Variants in OLA1 observed in about 807,000 individuals in gnomAD.
The protein encoded by OLA1 is Obg like ATPase 1.
Under a neutral mutation model 48.4 loss-of-function variants are expected in OLA1, and 14 were observed. The ratio of observed to expected loss-of-function variants is 0.29; its 90% confidence interval spans 0.19 to 0.45. The LOEUF is 0.45. OLA1 is among the 20% of genes least tolerant of loss of function. The pLI is 1.00. For missense variants in OLA1, 325 were observed against 467.1 expected, an observed-to-expected ratio of 0.70 and a Z score of 2.80; for synonymous variants, 127 against 150.4, an observed-to-expected ratio of 0.84 and a Z score of 1.14.
intron 4 of OLA1, among the ~76,000 whole-genome samples, chr2:174,153,687 C>A (rs1686800951): frequency 6.6e-6 from 1 of 152,128 alleles, no homozygotes; most frequent in Non-Finnish European, 1.5e-5. Flanking sequence ...TAATTATATT[C>A]AATTGCTCAA....
intron 2 of OLA1, among the ~76,000 whole-genome samples, chr2:174,233,459 C>T (rs911566318): frequency 3.9e-5 from 6 of 152,126 alleles, no homozygotes; most frequent in East Asian, 1.9e-4. Context: ...CTGCAACCTC[C>T]GCCTCCTGGG....
intron 4 of OLA1, among the ~76,000 whole-genome samples, chr2:174,181,481 T>C (rs2105414005): frequency 6.6e-6 from 1 of 152,230 alleles, no homozygotes; most frequent in East Asian, 1.9e-4. Flanking sequence ...AGAGAGAAAA[T>C]GTGAAATACG....
At chr2:174,168,267 AC>A (rs1687213621) in intron 4 of OLA1, among the ~76,000 whole-genome samples, 6 of 152,126 alleles carry the variant, frequency 3.9e-5, no homozygotes, top group Admixed American at 3.9e-4. Context: ...TGATACCAGA[AC>A]CATGCATAGG....
chr2:174,237,846 A>G (rs1688894682), intron 2 of OLA1, among the ~76,000 whole-genome samples: 1 of 152,254 alleles, frequency 6.6e-6, no homozygotes, highest in Non-Finnish European at 1.5e-5. Flanking sequence ...ATAATTGTAT[A>G]TGCTATACTT....
At chr2:174,104,153 T>TAA (rs59961287) in intron 7 of OLA1, among the ~76,000 whole-genome samples, 95 of 147,194 alleles carry the variant, frequency 6.5e-4, no homozygotes, top group Middle Eastern at 3.5e-3. Flanking sequence ...AAATACAAAT[T>TAA]AAAAAAAAAA....
At chr2:174,087,912 G>C (rs1685020612) in intron 7 of OLA1, among the ~76,000 whole-genome samples, 1 of 151,952 alleles carries the variant, frequency 6.6e-6, no homozygotes, top group Admixed American at 6.6e-5. Flanking sequence ...TCTCAAATCT[G>C]ATTTTTTTAA....
rs756554220 is a variant in OLA1, at chr2:174,081,209, G to T, written c.909C>A (p.Leu303=). 2 of 1,611,364 alleles carry T rather than the reference G, an allele frequency of 1.2e-6. No homozygotes were observed. Among genetic ancestry groups the T allele is most frequent in the South Asian group, 1.1e-5 (1 of 90,972 alleles). ...CTGCAGTGAAAAAGTATTCTAGTTG[G>T]AGTGCTGCAAACCCAGCCTTAATGA... ...PKIIKAGFAA[L]QLEYFFTAGP... The change falls in exon 9 of 11, where the codon CTC becomes CTA. Residue 303 remains leucine, a synonymous_variant. Transcript: ENST00000284719.
At chr2:174,128,054 T>A (rs1456187266) in intron 5 of OLA1, among the ~76,000 whole-genome samples, 1 of 151,372 alleles carries the variant, frequency 6.6e-6, no homozygotes, top group Non-Finnish European at 1.5e-5. Context: ...ACTATAGTAA[T>A]TAGAATAGTA....
At chr2:174,210,384 C>T (rs919990403) in intron 4 of OLA1, among the ~76,000 whole-genome samples, 13 of 152,138 alleles carry the variant, frequency 8.5e-5, no homozygotes, top group East Asian at 3.9e-4. Context: ...GTTTAAAATA[C>T]GCATACATCA....
intron 4 of OLA1, among the ~76,000 whole-genome samples, chr2:174,205,345 C>T (rs756502296): frequency 2.0e-4 from 27 of 134,174 alleles, no homozygotes; most frequent in Non-Finnish European, 4.3e-4. Context: ...ACCTGCCCTG[C>T]ACCTTCACAC....
chr2:174,090,165 GT>G (rs760524807), intron 7 of OLA1, among the ~76,000 whole-genome samples: 7 of 152,128 alleles, frequency 4.6e-5, no homozygotes, highest in African/African-American at 7.2e-5. Flanking sequence ...ATGTGTGTGT[GT>G]ATGTGTAAGA....
At chr2:174,093,635 A>G (rs1685177967) in intron 7 of OLA1, among the ~76,000 whole-genome samples, 1 of 152,230 alleles carries the variant, frequency 6.6e-6, no homozygotes, top group Admixed American at 6.5e-5. Flanking sequence ...ATCTGTATCT[A>G]TTCCTTGTAA....
chr2:174,184,698 G>A (rs931608660), intron 4 of OLA1, among the ~76,000 whole-genome samples: 1 of 152,148 alleles, frequency 6.6e-6, no homozygotes, highest in Non-Finnish European at 1.5e-5. Context: ...AGAGGGAATT[G>A]AAACTGAGTG....
intron 7 of OLA1, among the ~76,000 whole-genome samples, chr2:174,119,195 A>G (rs1467204002): frequency 6.6e-6 from 1 of 152,004 alleles, no homozygotes; most frequent in East Asian, 1.9e-4. Context: ...TTTCTTTATC[A>G]TATTCTTTTT....
At chr2:174,133,651 C>T (rs2105374637) in intron 5 of OLA1, among the ~76,000 whole-genome samples, 1 of 152,260 alleles carries the variant, frequency 6.6e-6, no homozygotes. Flanking sequence ...GGCTGACATA[C>T]AATACTTTCA....
intron 4 of OLA1, among the ~76,000 whole-genome samples, chr2:174,186,657 G>A (rs1002540107): frequency 6.7e-6 from 1 of 150,250 alleles, no homozygotes; most frequent in African/African-American, 2.4e-5. Flanking sequence ...AGACCTATGT[G>A]CATTACTCGC....
chr2:174,166,537 T>C (rs1687169329), intron 4 of OLA1, among the ~76,000 whole-genome samples: 1 of 152,226 alleles, frequency 6.6e-6, no homozygotes, highest in South Asian at 2.1e-4. Flanking sequence ...CTTCTGTGTA[T>C]CACAGATCTA....
intron 4 of OLA1, among the ~76,000 whole-genome samples, chr2:174,193,300 G>A (rs1214218099): frequency 6.6e-6 from 1 of 152,052 alleles, no homozygotes; most frequent in Non-Finnish European, 1.5e-5. Flanking sequence ...ATGTTGACCA[G>A]GCTGGTCTTA....
chr2:174,174,653 G>C (rs1009703979), intron 4 of OLA1, among the ~76,000 whole-genome samples: 1 of 151,954 alleles, frequency 6.6e-6, no homozygotes, highest in Non-Finnish European at 1.5e-5. Context: ...AAATACTGTT[G>C]AGAAGAGACC....
Sources: gnomAD v4.1 joint callset for allele counts (sites outside exome capture counted in the v4.1 genomes callset) on GRCh38, gnomAD v4.1.1 for gene constraint, MANE v1.5 for transcripts, NCBI Gene and HGNC (gene_info 2026-07-23, HGNC 2026-07-21) for gene names.